Variants in DYNC2H1 observed in about 807,000 individuals in gnomAD.
DYNC2H1 encodes dynein cytoplasmic 2 heavy chain 1, also known as cytoplasmic dynein 2 heavy chain 1.
DYNC2H1 carries 410 observed loss-of-function variants against 570.0 expected under a neutral mutation model. The ratio of observed to expected loss-of-function variants is 0.72; its 90% CI spans 0.66 to 0.78. DYNC2H1 has a LOEUF of 0.78. DYNC2H1 is among the 30% of genes least tolerant of loss of function. The pLI is 0.00. For missense variants in DYNC2H1, 4,865 were observed against 5,046.4 expected, an observed-to-expected ratio of 0.96 and a Z score of 1.09; for synonymous variants, 1,688 against 1,677.6, an observed-to-expected ratio of 1.01 and a Z score of -0.15.
Position 103,170,114 on chromosome 11 carries a change from G to T in DYNC2H1, c.4975G>T (p.Ala1659Ser). The T allele has an allele frequency of 1.2e-6, 2 of 1,610,382 alleles. No individual in the cohort carries two copies. The highest frequency in any genetic ancestry group is 1.7e-5 in the Admixed American group (1 of 59,528). ...TTGTGTTGTTCTTGTATAGGGTAAT[G>T]CTTCCAAACTGGTTTATACTCCACT... ...FQYTYEYQGN[A>S]SKLVYTPLTD... The change falls in exon 33 of 89, where the codon GCT (alanine) becomes TCT (serine). Residue 1659 changes from alanine (A) to serine (S), a missense_variant. Ala to Ser is a moderately conservative substitution (Grantham distance 99, BLOSUM62 1). Coordinates refer to ENST00000375735, the MANE Select transcript of DYNC2H1 (RefSeq NM_001377.3). The surrounding 1 kb of genome is among the most constrained non-coding windows in gnomAD (Gnocchi z 4.8).
intron 85 of DYNC2H1, among the ~76,000 whole-genome samples, chr11:103,453,897 G>A (rs1005964265): frequency 6.6e-6 from 1 of 151,788 alleles, no homozygotes. Flanking sequence ...AATATGCTAT[G>A]TATAATATTA....
In DYNC2H1 at chr11:103,174,135, T is replaced by C; in HGVS notation, c.5639T>C (p.Leu1880Pro). The part of the protein sequence containing the change: ...KTVLRGSGNL[L>P]RQLNKSGTTQ... ...GTTCTGAGAGGAAGTGGAAATCTCC[T>C]TAGACAGCTAAACAAAAGTGGCACT... The change falls in exon 36 of 89, where the codon CTT becomes CCT. Residue 1880 changes from leucine to proline, a missense_variant. Transcript: ENST00000375735. 1.9e-6 allele frequency: 3 copies of C among 1,585,576 alleles called. No homozygotes were observed. Among genetic ancestry groups the C allele is most frequent in the East Asian group, 2.3e-5 (1 of 43,918 alleles).
intron 83 of DYNC2H1, among the ~76,000 whole-genome samples, chr11:103,377,075 T>G (rs915970338): frequency 1.8e-4 from 28 of 152,316 alleles, no homozygotes; most frequent in African/African-American, 6.7e-4. Context: ...TTTTGACAGT[T>G]GGATTGAAAT....
rs563655248 is a variant in DYNC2H1, at chr11:103,472,417, G to A, written c.12765+3712G>A. 4.4e-4 allele frequency among the ~76,000 whole-genome samples: 67 copies of A among 152,170 alleles called. No homozygotes were observed. Among genetic ancestry groups the A allele is most frequent in the African/African-American group, 1.5e-3 (62 of 41,538 alleles). ...TTAAAGAATTGAGAACAGGAGTATG[G>A]TAAGATCAGATTTGTAGTTTTAGAA... On this transcript the variant is annotated intron_variant, in intron 88 of 88. Transcript: ENST00000375735. This position sits in a 1 kb window ranked among gnomAD's most constrained non-coding sequence, Gnocchi z 4.1.
intron 81 of DYNC2H1, among the ~76,000 whole-genome samples, chr11:103,322,961 C>T (rs1938289408): frequency 6.6e-6 from 1 of 152,080 alleles, no homozygotes; most frequent in Admixed American, 6.5e-5. Context: ...TTTCAAAGAA[C>T]AGCATGACTT....
chr11:103,417,932 T>C (rs577414772), intron 84 of DYNC2H1, among the ~76,000 whole-genome samples: 2 of 147,174 alleles, frequency 1.4e-5, no homozygotes, highest in African/African-American at 2.5e-5. Context: ...TAAAGAAAAA[T>C]TGTAACATTA....
intron 82 of DYNC2H1, among the ~76,000 whole-genome samples, chr11:103,353,084 G>A (rs1940130937): frequency 1.3e-5 from 2 of 152,124 alleles, no homozygotes; most frequent in South Asian, 2.1e-4. Flanking sequence ...CTTCATAAGT[G>A]GGAGTTGATC....
chr11:103,268,412 C>A lies in DYNC2H1; in HGVS notation c.10695+8435C>A, dbSNP rs1291520612. On this transcript the variant is annotated intron_variant, in intron 70 of 88. Coordinates refer to ENST00000375735, the MANE Select transcript of DYNC2H1 (RefSeq NM_001377.3). The surrounding 1 kb of genome is among the most constrained non-coding windows in gnomAD (Gnocchi z 4.6). ...AGCTTTTGCTTTATATAGAAAAAGT[C>A]TATTTTGCTGTAATTATTATCTTCT... Among the ~76,000 whole-genome samples the A allele has an allele frequency of 1.3e-5, 2 of 151,842 alleles. No homozygotes were observed. Among genetic ancestry groups the A allele is most frequent in the Admixed American group, 1.3e-4 (2 of 15,260 alleles).
Position 103,204,899 on chromosome 11 carries a change from C to T in DYNC2H1, c.8389C>T (p.Pro2797Ser). Residue 2797 changes from proline to serine, a missense_variant, in exon 52 of 89, where the codon CCA becomes TCA. Coordinates refer to ENST00000375735, the MANE Select transcript of DYNC2H1 (RefSeq NM_001377.3). The surrounding 1 kb of genome is among the most constrained non-coding windows in gnomAD (Gnocchi z 4.1). Reference protein sequence around the residue: ...SNFMINCESNPALHKKCQVLW... With the variant: ...SNFMINCESNSALHKKCQVLW... ...CTTCATGATAAACTGTGAGAGTAAT[C>T]CAGCTTTGCATAAGAAATGCCAGGT... 1 of 1,593,912 alleles carries T rather than the reference C, an allele frequency of 6.3e-7. No individual in the cohort carries two copies. Among genetic ancestry groups the T allele is most frequent in the Non-Finnish European group, 8.6e-7 (1 of 1,168,972 alleles).
At chr11:103,310,480 T>G (rs1005263704) in intron 78 of DYNC2H1, among the ~76,000 whole-genome samples, 9 of 152,060 alleles carry the variant, frequency 5.9e-5, no homozygotes, top group Non-Finnish European at 1.2e-4. Context: ...TTAATTTGTA[T>G]GATCTTTAGT....
At chr11:103,283,186 T>C in intron 73 of DYNC2H1, 101 bp downstream of exon 73, 1 of 880,714 alleles carries the variant, frequency 1.1e-6, no homozygotes, top group Non-Finnish European at 1.7e-6. Context: ...GTTAACATTT[T>C]TAATAGGATG....
intron 70 of DYNC2H1, among the ~76,000 whole-genome samples, chr11:103,271,037 A>G (rs552087586): frequency 1.1e-4 from 16 of 152,328 alleles, no homozygotes; most frequent in African/African-American, 3.4e-4. Context: ...CTCCATTTCC[A>G]TATGAATTTG....
intron 83 of DYNC2H1, among the ~76,000 whole-genome samples, chr11:103,368,830 A>G (rs1591639211): frequency 6.6e-6 from 1 of 152,054 alleles, no homozygotes; most frequent in African/African-American, 2.4e-5. Context: ...TTTATTGACA[A>G]TACTGTCTTT....
At chr11:103,187,271 T>C in intron 42 of DYNC2H1, 69 bp from the exon 43 acceptor site, 1 of 1,577,442 alleles carries the variant, frequency 6.3e-7, no homozygotes, top group Non-Finnish European at 8.6e-7. Flanking sequence ...TAGAAATTTC[T>C]TATTGAGTAT....
intron 84 of DYNC2H1, among the ~76,000 whole-genome samples, chr11:103,400,459 G>C (rs1942591210): frequency 6.6e-6 from 1 of 152,102 alleles, no homozygotes; most frequent in Non-Finnish European, 1.5e-5. Context: ...TTTAGAAGAA[G>C]GGGAAATCAA....
chr11:103,127,142 C>G (rs1859043733), intron 12 of DYNC2H1, among the ~76,000 whole-genome samples: 1 of 152,076 alleles, frequency 6.6e-6, no homozygotes. Flanking sequence ...ATATGTTTTT[C>G]TCAAGTACAC....
At chr11:103,276,188 T>TACACAC (rs150556013) in intron 70 of DYNC2H1, among the ~76,000 whole-genome samples, 12 of 151,450 alleles carry the variant, frequency 7.9e-5, no homozygotes, top group African/African-American at 1.7e-4. Context: ...TATTGAGTAC[T>TACACAC]ACACACACAC....
rs1313023120 is a variant in DYNC2H1, at chr11:103,256,124, G to A, written c.10345G>A (p.Gly3449Ser). The A allele has an allele frequency of 6.2e-6, 10 of 1,605,258 alleles. No individual in the cohort carries two copies. The highest frequency in any genetic ancestry group is 1.7e-4 in the Middle Eastern group (1 of 5,982). Residue 3449 changes from glycine to serine, a missense_variant, in exon 68 of 89, where the codon GGC becomes AGC. Around this residue, in one of 5 missense-constraint regions of DYNC2H1, gnomAD observed 2,401 missense variants for 2,454.6 expected, o/e 0.98. Transcript: ENST00000375735. The surrounding 1 kb of genome is among the most constrained non-coding windows in gnomAD (Gnocchi z 4.0). ...SLLETLATSQ[G>S]NILENKDLIE... Reference sequence around the variant, plus strand: ...CCTACAGACACTTGCCACATCTCAAGGCAATATTTTGGAAAATAAGGATTT... The same window carrying A: ...CCTACAGACACTTGCCACATCTCAAAGCAATATTTTGGAAAATAAGGATTT...
In DYNC2H1 at chr11:103,186,622, C is replaced by T; in HGVS notation, c.6893+121C>T. Reference sequence around the variant, plus strand: ...AGCATTTACATTTTCATGGAAGATTCATTTTATTTTCATTACTTATAAAAA... The same window carrying T: ...AGCATTTACATTTTCATGGAAGATTTATTTTATTTTCATTACTTATAAAAA... On this transcript the variant is annotated intron_variant, in intron 42 of 88. Coordinates refer to ENST00000375735, the MANE Select transcript of DYNC2H1 (RefSeq NM_001377.3). The surrounding 1 kb of genome is among the most constrained non-coding windows in gnomAD (Gnocchi z 4.5). 7.7e-7 allele frequency: 1 copy of T among 1,306,176 alleles called. No individual in the cohort carries two copies. Among genetic ancestry groups the T allele is most frequent in the Non-Finnish European group, 1.0e-6 (1 of 983,430 alleles). 80.9% of individuals were successfully genotyped at this position (1,306,176 alleles called of 1,614,324 possible). A position where few individuals can be genotyped will look rare whatever the true frequency, so the allele number is the denominator to read the frequency against.
Sources: gnomAD v4.1 joint callset for allele counts (sites outside exome capture counted in the v4.1 genomes callset) on GRCh38, gnomAD v4.1.1 for gene constraint, gnomAD v4.1.1 regional missense constraint, Gnocchi (gnomAD v3.1) non-coding constraint, MANE v1.5 for transcripts, NCBI Gene and HGNC (gene_info 2026-07-23, HGNC 2026-07-21) for gene names.